The following RADIL variants were observed in gnomAD, a reference collection of about 807,000 sequenced individuals.
The protein encoded by RADIL is ras-associating and dilute domain-containing protein.
RADIL carries 99 observed loss-of-function variants against 97.6 expected under a neutral mutation model. The ratio of observed to expected loss-of-function variants is 1.01; its 90% CI spans 0.86 to 1.20. The LOEUF is 1.20. RADIL is among the 50% of genes most tolerant of loss of function. RADIL has a pLI of 0.00. For missense variants in RADIL, 1,765 were observed against 1,498.9 expected, an observed-to-expected ratio of 1.18 and a Z score of -2.93; for synonymous variants, 803 against 691.8, an observed-to-expected ratio of 1.16 and a Z score of -2.52.
chr7:4,835,368 G>A lies in RADIL; in HGVS notation c.784-129C>T, dbSNP rs1300407510. 2.5e-6 allele frequency: 3 copies of A among 1,222,090 alleles called. No individual in the cohort carries two copies. Among genetic ancestry groups the A allele is most frequent in the African/African-American group, 3.0e-5 (2 of 66,840 alleles). The allele number at this position is 1,222,090 out of a possible 1,614,324, so 75.7% of individuals were successfully genotyped here. On this transcript the variant is annotated intron_variant, in intron 3 of 14. Coordinates refer to ENST00000399583, the MANE Select transcript of RADIL (RefSeq NM_018059.5). This position sits in a 1 kb window ranked among gnomAD's most constrained non-coding sequence, Gnocchi z 5.8. Reference sequence around the variant, plus strand: ...GTCGCCACGGGCTCTCCATGTCCCTGGCCACCCCCACACCAGAACCCCGAC... The same window carrying A: ...GTCGCCACGGGCTCTCCATGTCCCTAGCCACCCCCACACCAGAACCCCGAC...
At chr7:4,816,608 C>G in intron 7 of RADIL, 143 bp from the exon 8 acceptor site, 1 of 681,242 alleles carries the variant, frequency 1.5e-6, no homozygotes, top group Non-Finnish European at 2.5e-6. Context: ...CAGGCCATGG[C>G]TTTGCAAATG....
chr7:4,862,626 C>T (rs190596964), intron 2 of RADIL, among the ~76,000 whole-genome samples: 1 of 152,170 alleles, frequency 6.6e-6, no homozygotes, highest in African/African-American at 2.4e-5. Context: ...CCAGGCTGGG[C>T]GCAGTGGCTC....
intron 2 of RADIL, chr7:4,861,508 A>C: frequency 6.2e-7 from 1 of 1,614,088 alleles, no homozygotes. Context: ...TGTAAGAGCC[A>C]AACGTAAAAA....
At chr7:4,853,468 C>T (rs531029468) in intron 2 of RADIL, among the ~76,000 whole-genome samples, 2 of 152,148 alleles carry the variant, frequency 1.3e-5, no homozygotes, top group South Asian at 2.1e-4. Context: ...GTAGGCCGGG[C>T]ATGTTGGCTC....
chr7:4,799,861 C>A, intron 13 of RADIL, 92 bp from the exon 14 acceptor site: 1 of 1,426,408 alleles, frequency 7.0e-7, no homozygotes, highest in Non-Finnish European at 9.2e-7. Context: ...ACCTACAGGC[C>A]CCCGCCTGGC....
intron 10 of RADIL, chr7:4,804,211 A>G (rs1782215929): frequency 4.0e-6 from 1 of 250,212 alleles, no homozygotes; most frequent in Admixed American, 4.4e-5. Flanking sequence ...CCCCAGGAAC[A>G]GGAGCACCTT....
At position 4,814,199 on chromosome 7, in the gene RADIL, T is replaced by C. The variant is rs1467825853; in HGVS notation, c.2139+1079A>G. ...ATGGGTTTGTGGCATTAAAAAGCAT[T>C]GCTTTACTTCTGTTTAGTGATACTG... On this transcript the variant is annotated intron_variant, in intron 9 of 14. Coordinates refer to ENST00000399583, the MANE Select transcript of RADIL (RefSeq NM_018059.5). This position sits in a 1 kb window ranked among gnomAD's most constrained non-coding sequence, Gnocchi z 4.5. Among the ~76,000 whole-genome samples the C allele has an allele frequency of 6.6e-6, 1 of 152,234 alleles. No homozygotes were observed. Among genetic ancestry groups the C allele is most frequent in the Non-Finnish European group, 1.5e-5 (1 of 68,046 alleles).
Position 4,849,307 on chromosome 7 carries a change from T to TAA in RADIL, c.536-12704_536-12703dup. Among the ~76,000 whole-genome samples the TAA allele has an allele frequency of 6.6e-6, 1 of 152,324 alleles. No homozygotes were observed. The highest frequency in any genetic ancestry group is 2.4e-5 in the African/African-American group (1 of 41,562). ...TGCTTTAACTGTGCACATATATATATAACTTTGGTGAAAATAAGTAAAAAT... is the reference window on the plus strand; with the variant it reads ...TGCTTTAACTGTGCACATATATATATAAAACTTTGGTGAAAATAAGTAAAAAT... On this transcript the variant is annotated intron_variant, in intron 2 of 14. Transcript: ENST00000399583. This position sits in a 1 kb window ranked among gnomAD's most constrained non-coding sequence, Gnocchi z 5.4.
rs145581204 is a variant in RADIL, at chr7:4,867,390, G to A, written c.535+10215C>T. 6.6e-6 allele frequency among the ~76,000 whole-genome samples: 1 copy of A among 152,278 alleles called. No individual in the cohort carries two copies. Among genetic ancestry groups the A allele is most frequent in the Non-Finnish European group, 1.5e-5 (1 of 68,022 alleles). Reference sequence around the variant, plus strand: ...AGCTGTACCCAATTTGAGTGTCTGTGCTTAAGGAAATGAATATGTAGTATA... The same window carrying A: ...AGCTGTACCCAATTTGAGTGTCTGTACTTAAGGAAATGAATATGTAGTATA... On this transcript the variant is annotated intron_variant, in intron 2 of 14. Coordinates refer to ENST00000399583, the MANE Select transcript of RADIL (RefSeq NM_018059.5). This position sits in a 1 kb window ranked among gnomAD's most constrained non-coding sequence, Gnocchi z 4.1.
chr7:4,847,762 A>C (rs892617204), intron 2 of RADIL, among the ~76,000 whole-genome samples: 2 of 150,248 alleles, frequency 1.3e-5, no homozygotes, highest in South Asian at 2.1e-4. Flanking sequence ...AAAAAAAAAA[A>C]AAAACACACA....
At position 4,836,406 on chromosome 7, in the gene RADIL, C is replaced by T; in HGVS notation, c.735G>A (p.Leu245=). ...GAAGGAGCAGATGCGGGGACTGGTACAGCGAGTACCGCATGGCGTCGGGGC... is the reference window on the plus strand; with the variant it reads ...GAAGGAGCAGATGCGGGGACTGGTATAGCGAGTACCGCATGGCGTCGGGGC... ...EPGPDAMRYS[L]YQSPHLLLLQ... The change falls in exon 3 of 15, where the codon CTG becomes CTA. Residue 245 remains leucine (L), a synonymous_variant. Coordinates refer to ENST00000399583, the MANE Select transcript of RADIL (RefSeq NM_018059.5). 1 of 1,579,664 alleles carries T rather than the reference C, an allele frequency of 6.3e-7. No individual in the cohort carries two copies. The highest frequency in any genetic ancestry group is 8.6e-7 in the Non-Finnish European group (1 of 1,162,944).
At chr7:4,871,396 C>T (rs1468269262) in intron 2 of RADIL, among the ~76,000 whole-genome samples, 1 of 152,244 alleles carries the variant, frequency 6.6e-6, no homozygotes, top group East Asian at 1.9e-4. Flanking sequence ...AGCGGCGCTT[C>T]CCGCGTGCAC....
intron 2 of RADIL, among the ~76,000 whole-genome samples, chr7:4,870,225 G>A (rs1343854505): frequency 1.3e-5 from 2 of 152,156 alleles, no homozygotes; most frequent in African/African-American, 2.4e-5. Context: ...GGCGCAGGGC[G>A]AGCTGACCTC....
At position 4,819,750 on chromosome 7, in the gene RADIL, C is replaced by T. The variant is rs1311635400; in HGVS notation, c.1616-2399G>A. 1.3e-5 allele frequency among the ~76,000 whole-genome samples: 2 copies of T among 152,206 alleles called. No homozygotes were observed. The highest frequency in any genetic ancestry group is 2.4e-5 in the African/African-American group (1 of 41,464). Reference sequence around the variant, plus strand: ...GGGTCGGGAGGCTGACGGGGCTCTGCCCCTCCGGCCCCTTCTAGGGGCTAT... The same window carrying T: ...GGGTCGGGAGGCTGACGGGGCTCTGTCCCTCCGGCCCCTTCTAGGGGCTAT... On this transcript the variant is annotated intron_variant, in intron 6 of 14. Transcript: ENST00000399583. The surrounding 1 kb of genome is among the most constrained non-coding windows in gnomAD (Gnocchi z 5.8).
At chr7:4,847,542 C>T (rs1451499839) in intron 2 of RADIL, among the ~76,000 whole-genome samples, 1 of 152,032 alleles carries the variant, frequency 6.6e-6, no homozygotes, top group Non-Finnish European at 1.5e-5. Flanking sequence ...TGCTTATGCA[C>T]AAATGTTCAC....
At position 4,827,763 on chromosome 7, in the gene RADIL, G is replaced by C. The variant is rs867199637; in HGVS notation, c.1454+4378C>G. Among the ~76,000 whole-genome samples, 18 of 152,316 alleles carry C rather than the reference G, an allele frequency of 1.2e-4. 1 individual carries two copies. The South Asian group carries it at 3.5e-3, about 30-fold the overall frequency. ...TCTCCCTCCCCGAGGACTCTGGCCC[G>C]GATGTTCTTCCAGCAAACCTTCAGG... On this transcript the variant is annotated intron_variant, in intron 5 of 14. Coordinates refer to ENST00000399583, the MANE Select transcript of RADIL (RefSeq NM_018059.5).
chr7:4,812,475 G>C (rs1782573147), intron 9 of RADIL, among the ~76,000 whole-genome samples: 1 of 152,104 alleles, frequency 6.6e-6, no homozygotes, highest in Admixed American at 6.5e-5. Context: ...AGGCTGGAGT[G>C]CAATGGCATG....
intron 2 of RADIL, chr7:4,860,621 G>C: frequency 1.2e-6 from 2 of 1,614,100 alleles, no homozygotes; most frequent in Non-Finnish European, 1.7e-6. Flanking sequence ...TCGGATCTTT[G>C]ATTCCACCAA....
intron 2 of RADIL, among the ~76,000 whole-genome samples, chr7:4,843,454 C>G (rs1310749331): frequency 6.6e-6 from 1 of 152,126 alleles, no homozygotes; most frequent in African/African-American, 2.4e-5. Context: ...TCTAAGCTAG[C>G]AAAGGACACA....
Sources: allele counts gnomAD v4.1 joint callset (sites outside exome capture counted in the v4.1 genomes callset), GRCh38; gene constraint gnomAD v4.1.1; non-coding constraint Gnocchi (gnomAD v3.1); transcripts MANE v1.5; gene names NCBI Gene and HGNC (gene_info 2026-07-23, HGNC 2026-07-21).